Variants in QTMAN observed in about 807,000 individuals in gnomAD.
QTMAN encodes queuosine-tRNA mannosyltransferase.
At chr2:143,939,895 C>G in the QTMAN span, 5 of 152,278 alleles carry the variant, frequency 3.3e-5, no homozygotes, top group East Asian at 3.9e-4. Context: ...TTCTACCCCC[C>G]ACATTTGTCC....
At chr2:144,218,089 C>T in the QTMAN span, among the ~76,000 whole-genome samples, 3 of 152,132 alleles carry the variant, frequency 2.0e-5, no homozygotes, top group Admixed American at 6.5e-5. Flanking sequence ...AACCGTAAAA[C>T]CCTTTAGCAA....
At chr2:144,040,917 G>A in the QTMAN span, among the ~76,000 whole-genome samples, 13 of 152,272 alleles carry the variant, frequency 8.5e-5, no homozygotes, top group African/African-American at 3.1e-4. Context: ...GAAAGACACT[G>A]AAATAACTTC....
At chr2:144,106,316 G>A in the QTMAN span, among the ~76,000 whole-genome samples, 1 of 152,050 alleles carries the variant, frequency 6.6e-6, no homozygotes, top group Non-Finnish European at 1.5e-5. Flanking sequence ...CTGGCAAATC[G>A]GACAAAGAGT....
chr2:144,307,915 C>T, the QTMAN span, among the ~76,000 whole-genome samples: 1 of 152,092 alleles, frequency 6.6e-6, no homozygotes, highest in Non-Finnish European at 1.5e-5. Flanking sequence ...AACCAATCCA[C>T]TGAATTCACA....
At chr2:144,081,756 A>C in the QTMAN span, among the ~76,000 whole-genome samples, 4 of 152,176 alleles carry the variant, frequency 2.6e-5, no homozygotes, top group East Asian at 7.7e-4. Flanking sequence ...TACCTTCGCA[A>C]AACAATTTCT....
chr2:144,076,795 T>C, the QTMAN span, among the ~76,000 whole-genome samples: 1 of 152,142 alleles, frequency 6.6e-6, no homozygotes, highest in East Asian at 1.9e-4. Context: ...TACTGTGCTA[T>C]CAAGGTAGGA....
the QTMAN span, among the ~76,000 whole-genome samples, chr2:144,065,034 C>T: frequency 1.3e-5 from 2 of 152,250 alleles, no homozygotes; most frequent in South Asian, 2.1e-4. Context: ...GACATGATGG[C>T]CGAACATATC....
At chr2:144,142,065 T>TA in the QTMAN span, 1 of 1,602,466 alleles carries the variant, frequency 6.2e-7, no homozygotes, top group Non-Finnish European at 8.5e-7. Flanking sequence ...GCTGTAAAGG[T>TA]AAAAGACAAA....
At chr2:144,331,359 G>T in the QTMAN span, among the ~76,000 whole-genome samples, 1 of 152,024 alleles carries the variant, frequency 6.6e-6, no homozygotes, top group East Asian at 1.9e-4. Flanking sequence ...TTCTTTTTCA[G>T]CAGCTCCTTT....
At chr2:144,137,118 G>C in the QTMAN span, among the ~76,000 whole-genome samples, 6 of 152,170 alleles carry the variant, frequency 3.9e-5, no homozygotes, top group African/African-American at 1.4e-4. Context: ...TCCTTTAGGG[G>C]AACACAGCTC....
chr2:144,240,168 CAG>C, the QTMAN span, among the ~76,000 whole-genome samples: 1 of 152,106 alleles, frequency 6.6e-6, no homozygotes, highest in African/African-American at 2.4e-5. Context: ...GTACATCAGT[CAG>C]AAGTTTTAAT....
At chr2:144,213,812 G>T in the QTMAN span, among the ~76,000 whole-genome samples, 1 of 152,136 alleles carries the variant, frequency 6.6e-6, no homozygotes, top group East Asian at 1.9e-4. Flanking sequence ...TTACTTTGGG[G>T]AAAGTGAAAC....
the QTMAN span, among the ~76,000 whole-genome samples, chr2:144,315,986 T>A: frequency 1.3e-5 from 2 of 152,294 alleles, no homozygotes; most frequent in East Asian, 1.9e-4. Context: ...TCAAAAAACA[T>A]AACCAGATCA....
At chr2:144,150,511 T>C in the QTMAN span, among the ~76,000 whole-genome samples, 1 of 152,080 alleles carries the variant, frequency 6.6e-6, no homozygotes, top group Non-Finnish European at 1.5e-5. Flanking sequence ...TAAATTTAAA[T>C]TTAAATCGAC....
At chr2:143,975,758 C>T in the QTMAN span, among the ~76,000 whole-genome samples, 1 of 152,146 alleles carries the variant, frequency 6.6e-6, no homozygotes, top group African/African-American at 2.4e-5. Flanking sequence ...AAGAGTGATG[C>T]AGTCTGGGTT....
chr2:143,954,461 A>G, the QTMAN span, among the ~76,000 whole-genome samples: 1 of 152,116 alleles, frequency 6.6e-6, no homozygotes, highest in East Asian at 1.9e-4. Context: ...CATCGTATGA[A>G]TATGTACCAT....
the QTMAN span, among the ~76,000 whole-genome samples, chr2:144,182,863 T>TATATATATTATATATATATTTTATATATA: frequency 2.9e-5 from 2 of 68,168 alleles, no homozygotes; most frequent in Non-Finnish European, 4.9e-5. Context: ...TTATATATAA[T>TATATATATTATATATATATTTTATATATA]ATATATATAT....
the QTMAN span, among the ~76,000 whole-genome samples, chr2:144,116,704 A>T: frequency 2.6e-5 from 4 of 152,192 alleles, no homozygotes; most frequent in Non-Finnish European, 4.4e-5. Flanking sequence ...TTGTATCTTC[A>T]TATCACTGTA....
the QTMAN span, among the ~76,000 whole-genome samples, chr2:144,087,075 A>C: frequency 6.6e-6 from 1 of 152,206 alleles, no homozygotes; most frequent in African/African-American, 2.4e-5. Flanking sequence ...AATAAAATTG[A>C]TAAAATTTTA....
Sources: gnomAD v4.1 joint callset for allele counts (sites outside exome capture counted in the v4.1 genomes callset) on GRCh38, gnomAD v4.1.1 for gene constraint, MANE v1.5 for transcripts, NCBI Gene and HGNC (gene_info 2026-07-23, HGNC 2026-07-21) for gene names.